CRYL1: variants seen among roughly 807,000 people sequenced by gnomAD.
The protein encoded by CRYL1 is crystallin lambda 1, also known as lambda-crystallin homolog.
Under a neutral mutation model 36.6 loss-of-function variants are expected in CRYL1, and 29 were observed. That is an observed-to-expected ratio of 0.79 (90% confidence interval 0.59 to 1.08). The LOEUF (loss-of-function observed/expected upper bound fraction) is 1.08. CRYL1 is among the 50% of genes least tolerant of loss of function. The pLI is 0.00. For missense variants in CRYL1, 411 were observed against 407.9 expected (o/e 1.01, Z -0.06); for synonymous variants, 152 against 151.5 (o/e 1.00, Z -0.02).
At chr13:20,437,830 C>A (rs2032264801) in intron 4 of CRYL1, among the ~76,000 whole-genome samples, 1 of 152,112 alleles carries the variant, frequency 6.6e-6, no homozygotes, top group Admixed American at 6.5e-5. Context: ...ATTTTCTGAG[C>A]AACTTTATTT....
chr13:20,426,236 CTAATA>C (rs1276966666), intron 5 of CRYL1, among the ~76,000 whole-genome samples: 1 of 147,594 alleles, frequency 6.8e-6, no homozygotes, highest in Non-Finnish European at 1.5e-5. Context: ...TTCATTCATT[CTAATA>C]TGTTTGTTTT....
chr13:20,437,433 G>A (rs756910969), intron 4 of CRYL1, among the ~76,000 whole-genome samples: 4 of 151,354 alleles, frequency 2.6e-5, no homozygotes, highest in East Asian at 2.0e-4. Flanking sequence ...TCAGCCTCCC[G>A]AGTAGCTGGG....
intron 2 of CRYL1, among the ~76,000 whole-genome samples, chr13:20,503,647 C>T (rs2033743474): frequency 6.6e-6 from 1 of 152,190 alleles, no homozygotes; most frequent in Admixed American, 6.5e-5. Context: ...GTGAGAGGAG[C>T]AAAGTCACAA....
Position 20,415,960 on chromosome 13 carries a change from G to A in CRYL1, c.634-2573C>T, listed in dbSNP as rs756679025. Among the ~76,000 whole-genome samples the A allele has an allele frequency of 2.0e-5, 3 of 152,214 alleles. No homozygotes were observed. The highest frequency in any genetic ancestry group is 2.4e-5 in the African/African-American group (1 of 41,462). ...GTTTAGTCATCCACCCTGCGGCCAT[G>A]AGCCTTTGGCTAGTCTGGGGCTCCT... On this transcript the variant is annotated intron_variant, in intron 5 of 7. Coordinates refer to ENST00000298248, the MANE Select transcript of CRYL1 (RefSeq NM_015974.3). The surrounding 1 kb of genome is among the most constrained non-coding windows in gnomAD (Gnocchi z 4.1).
At chr13:20,413,544 A>G (rs146532854) in intron 5 of CRYL1, among the ~76,000 whole-genome samples, 157 bp from the exon 6 acceptor site, 1 of 152,204 alleles carries the variant, frequency 6.6e-6, no homozygotes, top group East Asian at 1.9e-4. Flanking sequence ...ATGACCAGAC[A>G]TGTTTTGGAT....
intron 3 of CRYL1, among the ~76,000 whole-genome samples, chr13:20,472,677 G>A (rs768339398): frequency 1.5e-4 from 23 of 152,324 alleles, no homozygotes; most frequent in Non-Finnish European, 2.9e-4. Flanking sequence ...TAAGGACAGC[G>A]CGTGGCCCTC....
At chr13:20,443,562 T>G (rs569275676) in intron 3 of CRYL1, among the ~76,000 whole-genome samples, 47 of 152,046 alleles carry the variant, frequency 3.1e-4, no homozygotes, top group African/African-American at 1.1e-3. Context: ...CCGGCTAATT[T>G]TTGTATTTTT....
intron 5 of CRYL1, among the ~76,000 whole-genome samples, chr13:20,423,149 T>A (rs552166327): frequency 1.3e-5 from 2 of 152,364 alleles, no homozygotes; most frequent in Non-Finnish European, 2.9e-5. Flanking sequence ...GCAACTTTAC[T>A]GAATTTATTT....
chr13:20,520,458 GC>G (rs896146335), intron 1 of CRYL1, among the ~76,000 whole-genome samples: 21 of 152,276 alleles, frequency 1.4e-4, no homozygotes, highest in African/African-American at 5.1e-4. Flanking sequence ...GGGAAAGGCA[GC>G]CCCCTAATCA....
chr13:20,444,887 T>G (rs1375060350), intron 3 of CRYL1, among the ~76,000 whole-genome samples: 2 of 152,318 alleles, frequency 1.3e-5, no homozygotes, highest in African/African-American at 4.8e-5. Context: ...CAGCTAATTT[T>G]TTGTATTTTT....
intron 2 of CRYL1, among the ~76,000 whole-genome samples, chr13:20,509,548 A>G (rs1314495244): frequency 6.6e-6 from 1 of 151,882 alleles, no homozygotes; most frequent in African/African-American, 2.4e-5. Context: ...ATTAAAAAGT[A>G]CTACTCAAAG....
chr13:20,452,927 G>T (rs1337571605), intron 3 of CRYL1, among the ~76,000 whole-genome samples: 1 of 152,058 alleles, frequency 6.6e-6, no homozygotes. Flanking sequence ...TTTCTAAAAT[G>T]TTTAAATTTA....
chr13:20,523,515 A>G (rs1176777379), intron 1 of CRYL1, among the ~76,000 whole-genome samples: 1 of 152,154 alleles, frequency 6.6e-6, no homozygotes, highest in Non-Finnish European at 1.5e-5. Flanking sequence ...GTCTGTTGAA[A>G]CCTAAGAATG....
intron 3 of CRYL1, among the ~76,000 whole-genome samples, chr13:20,445,297 C>CA (rs2032429936): frequency 6.6e-6 from 1 of 152,092 alleles, no homozygotes; most frequent in Non-Finnish European, 1.5e-5. Flanking sequence ...AAATGACAAG[C>CA]AGAGTTTTTA....
intron 6 of CRYL1, among the ~76,000 whole-genome samples, chr13:20,406,858 GCCAGTT>G (rs2137360015): frequency 6.6e-6 from 1 of 151,730 alleles, no homozygotes; most frequent in African/African-American, 2.4e-5. Flanking sequence ...CCCCTCAGCA[GCCAGTT>G]CCATCTCCCT....
In CRYL1 at chr13:20,428,682, C is replaced by A. The variant is rs186302984; in HGVS notation, c.633+3420G>T. 7.9e-4 allele frequency among the ~76,000 whole-genome samples: 120 copies of A among 152,346 alleles called. 1 individual carries two copies. Among genetic ancestry groups the A allele is most frequent in the African/African-American group, 2.8e-3 (115 of 41,570 alleles). On this transcript the variant is annotated intron_variant, in intron 5 of 7. Transcript: ENST00000298248. ...AAATGCAAGCCGTCCTTCCATCCTG[C>A]TCTAGCTCCTACCTCAAATTGGAGG...
Position 20,432,260 on chromosome 13 carries a change from C to A in CRYL1, c.475G>T (p.Val159Phe). The A allele has an allele frequency of 1.2e-6, 2 of 1,613,152 alleles. No individual in the cohort carries two copies. Among genetic ancestry groups the A allele is most frequent in the South Asian group, 1.1e-5 (1 of 91,036 alleles). The change falls in exon 5 of 8, where the codon GTC (valine) becomes TTC (phenylalanine). Residue 159 changes from valine (V) to phenylalanine (F), a missense_variant. Coordinates refer to ENST00000298248, the MANE Select transcript of CRYL1 (RefSeq NM_015974.3). ...GTAGGGGCCGTCTCCGGGTGGGGGA[C>A]CAGCTCAACCAGCGGGATGTAGTAT... ...PPYYIPLVEL[V>F]PHPETAPTTV...
chr13:20,451,001 A>G (rs901603387), intron 3 of CRYL1, among the ~76,000 whole-genome samples: 2 of 149,802 alleles, frequency 1.3e-5, no homozygotes, highest in African/African-American at 4.9e-5. Flanking sequence ...CATAGATGAG[A>G]ACTGAACAAT....
intron 1 of CRYL1, among the ~76,000 whole-genome samples, chr13:20,513,264 G>A (rs1173415900): frequency 2.0e-5 from 3 of 152,104 alleles, no homozygotes. Flanking sequence ...AGGTAGCAGG[G>A]TACCATGGAG....
Sources: allele counts gnomAD v4.1 joint callset (sites outside exome capture counted in the v4.1 genomes callset), GRCh38; gene constraint gnomAD v4.1.1; non-coding constraint Gnocchi (gnomAD v3.1); transcripts MANE v1.5; gene names NCBI Gene and HGNC (gene_info 2026-07-23, HGNC 2026-07-21).